NEU4: variants seen among roughly 807,000 people sequenced by gnomAD.
The protein encoded by NEU4 is neuraminidase 4.
A neutral mutation model predicts 9.9 loss-of-function variants in NEU4; 7 were observed. The observed-to-expected ratio is 0.71, with a 90% CI of 0.40 to 1.33. The LOEUF is 1.33. Among genes scored for constraint, NEU4 ranks in the 40% most tolerant of loss-of-function variants. The pLI, the probability that NEU4 is intolerant of heterozygous loss-of-function variation, is 0.01. For missense variants in NEU4, 717 were observed against 712.6 expected (o/e 1.01, Z -0.07); for synonymous variants, 348 against 316.9 (o/e 1.10, Z -1.04).
chr2:241,816,437 G>C lies in NEU4; in HGVS notation c.844G>C (p.Gly282Arg). The change falls in exon 4 of 4, where the codon GGC becomes CGC. Residue 282 changes from glycine to arginine, a missense_variant. Gly to Arg is a moderately radical substitution (Grantham distance 125, BLOSUM62 -2). Coordinates refer to ENST00000407683, the MANE Select transcript of NEU4 (RefSeq NM_001167600.3). ...CTGGGGCTGCCAGGGCAGCATCGTG[G>C]GCTTCCCAGCCCCCGCCCCCAACAG... ...TAWGCQGSIV[G>R]FPAPAPNRPR... is the part of the protein sequence containing the mutation. 1 of 1,608,008 alleles carries C rather than the reference G, an allele frequency of 6.2e-7. No homozygotes were observed. The highest frequency in any genetic ancestry group is 8.5e-7 in the Non-Finnish European group (1 of 1,178,716).
intron 1 of NEU4, among the ~76,000 whole-genome samples, chr2:241,810,157 A>T (rs987337806): frequency 6.6e-6 from 1 of 152,154 alleles, no homozygotes; most frequent in African/African-American, 2.4e-5. Flanking sequence ...ACGATGGCCA[A>T]GTTGCCTGGA....
Position 241,816,271 on chromosome 2 carries a change from A to T in NEU4, c.678A>T (p.Ala226=), listed in dbSNP as rs78073278. The change falls in exon 4 of 4, where the codon GCA becomes GCT. Residue 226 remains alanine (A), a synonymous_variant. Transcript: ENST00000407683. ...PNLRSGECQL[A]AVDGGQAGSF... is the part of the protein sequence containing the mutation. ...TGCGCTCAGGCGAGTGCCAGCTGGC[A>T]GCGGTGGACGGTGGGCAGGCCGGCA... 6.3e-7 allele frequency: 1 copy of T among 1,593,750 alleles called. No homozygotes were observed. Among genetic ancestry groups the T allele is most frequent in the Non-Finnish European group, 8.5e-7 (1 of 1,171,250 alleles).
At chr2:241,815,563 T>G in intron 3 of NEU4, 1 of 494,470 alleles carries the variant, frequency 2.0e-6, no homozygotes, top group Non-Finnish European at 4.1e-6. Flanking sequence ...GACGCTGAGG[T>G]GTCTCTCAGC....
chr2:241,811,135 TCACAGCTGGGCCTGTCC>T (rs967884201), intron 1 of NEU4: 302 of 1,216,938 alleles, frequency 2.5e-4, no homozygotes, highest in Non-Finnish European at 2.9e-4. Context: ...AACTGCGGCC[TCACAGCTGGGCCTGTCC>T]CAGCACAGCC....
intron 1 of NEU4, chr2:241,813,592 G>A: frequency 2.5e-6 from 3 of 1,219,226 alleles, no homozygotes; most frequent in Non-Finnish European, 3.3e-6. Context: ...GGTGGGTGTT[G>A]CCTGGGAGCA....
chr2:241,816,073 T>A lies in NEU4; in HGVS notation c.480T>A (p.Gly160=). 6.2e-7 allele frequency: 1 copy of A among 1,607,824 alleles called. No individual in the cohort carries two copies. Among genetic ancestry groups the A allele is most frequent in the Non-Finnish European group, 8.5e-7 (1 of 1,177,896 alleles). ...CAGACTGGGCCACATTCGCTGTGGG[T>A]CCCGGCCACGGTGTGCAGCTGCCCT... ...AVQDWATFAV[G]PGHGVQLPSG... is the part of the protein sequence containing the mutation. The change falls in exon 4 of 4, where the codon GGT becomes GGA. Residue 160 remains glycine (G), a synonymous_variant. Transcript: ENST00000407683.
Position 241,816,650 on chromosome 2 carries a change from G to C in NEU4, c.1057G>C (p.Val353Leu). Residue 353 changes from valine to leucine, a missense_variant, in exon 4 of 4, where the codon GTC becomes CTC. Transcript: ENST00000407683. Reference sequence around the variant, plus strand: ...CAGGCAGCCTGGCCCCAGGCCTGGGGTCAGTGGGGATGTGGGGTCCTGGAC... The same window carrying C: ...CAGGCAGCCTGGCCCCAGGCCTGGGCTCAGTGGGGATGTGGGGTCCTGGAC... Reference protein sequence around the residue: ...GPRQPGPRPGVSGDVGSWTLA... With the variant: ...GPRQPGPRPGLSGDVGSWTLA... 1 of 1,541,260 alleles carries C rather than the reference G, an allele frequency of 6.5e-7. No individual in the cohort carries two copies. The highest frequency in any genetic ancestry group is 8.7e-7 in the Non-Finnish European group (1 of 1,147,994).
intron 1 of NEU4, chr2:241,810,652 C>T (rs1700083092): frequency 6.5e-6 from 1 of 154,206 alleles, no homozygotes; most frequent in Non-Finnish European, 1.4e-5. Flanking sequence ...GTCATTTGAG[C>T]ATTGGTTACC....
chr2:241,811,261 C>T (rs1225836621), intron 1 of NEU4: 2 of 1,261,044 alleles, frequency 1.6e-6, no homozygotes, highest in Non-Finnish European at 2.0e-6. Context: ...CTGTGTGGCT[C>T]CTGGGTGCCC....
intron 1 of NEU4, among the ~76,000 whole-genome samples, chr2:241,812,513 C>A (rs1299462817): frequency 6.8e-6 from 1 of 147,760 alleles, no homozygotes; most frequent in African/African-American, 2.5e-5. Context: ...CTGTGGAACC[C>A]AGGGAACTGG....
intron 1 of NEU4, among the ~76,000 whole-genome samples, chr2:241,812,407 G>A (rs1700149506): frequency 1.9e-5 from 2 of 105,510 alleles, no homozygotes; most frequent in South Asian, 6.2e-4. Context: ...GGACATGGCT[G>A]TCCCAGTCAA....
rs199768418 is a variant in NEU4, at chr2:241,816,777, G to C, written c.1184G>C (p.Arg395Pro). 6.3e-7 allele frequency: 1 copy of C among 1,588,032 alleles called. No homozygotes were observed. Among genetic ancestry groups the C allele is most frequent in the Admixed American group, 1.8e-5 (1 of 56,262 alleles). ...AGGGCTCGGCTACACATGGGTATCC[G>C]CCTGAGCCAGTCCCCGCTGGACCCG... ...GRRARLHMGI[R>P]LSQSPLDPRS... The change falls in exon 4 of 4, where the codon CGC becomes CCC. Residue 395 changes from arginine to proline, a missense_variant. Transcript: ENST00000407683.
rs529825220 is a variant in NEU4, at chr2:241,816,300, T to C, written c.707T>C (p.Phe236Ser). 1.9e-6 allele frequency: 3 copies of C among 1,576,958 alleles called. No individual in the cohort carries two copies. The highest frequency in any genetic ancestry group is 4.7e-5 in the East Asian group (2 of 42,678). Reference protein sequence around the residue: ...AAVDGGQAGSFLYCNARSPLG... With the variant: ...AAVDGGQAGSSLYCNARSPLG... ...GTGGACGGTGGGCAGGCCGGCAGCT[T>C]CCTCTACTGCAATGCCCGGAGCCCA... Residue 236 changes from phenylalanine to serine, a missense_variant, in exon 4 of 4, where the codon TTC (phenylalanine) becomes TCC (serine). By Grantham distance (155) the Phe-to-Ser change is radical (BLOSUM62 -2). Coordinates refer to ENST00000407683, the MANE Select transcript of NEU4 (RefSeq NM_001167600.3).
In NEU4 at chr2:241,814,966, T is replaced by A. The variant is rs762811394; in HGVS notation, c.276T>A (p.Asp92Glu). 3 of 1,611,512 alleles carry A rather than the reference T, an allele frequency of 1.9e-6. No homozygotes were observed. Among genetic ancestry groups the A allele is most frequent in the Non-Finnish European group, 1.7e-6 (2 of 1,179,802 alleles). ...CCATGAACCCCTGCCCTGTGCACGA[T>A]GCTGGCACGGGCACCGTCTTCCTCT... ...HRSMNPCPVH[D>E]AGTGTVFLFF... Residue 92 changes from aspartate (D) to glutamate (E), a missense_variant, in exon 3 of 4, where the codon GAT becomes GAA. Physicochemically the swap from Asp to Glu is conservative, Grantham distance 45. Transcript: ENST00000407683.
At chr2:241,812,374 C>T (rs1287718372) in intron 1 of NEU4, among the ~76,000 whole-genome samples, 1 of 152,032 alleles carries the variant, frequency 6.6e-6, no homozygotes, top group African/African-American at 2.4e-5. Context: ...TCAGGGAGGG[C>T]GGGGGGCACT....
chr2:241,812,411 C>T (rs560022046), intron 1 of NEU4, among the ~76,000 whole-genome samples: 2 of 93,234 alleles, frequency 2.1e-5, no homozygotes, highest in African/African-American at 6.8e-5. Context: ...ATGGCTGTCC[C>T]AGTCAAGCCA....
In NEU4 at chr2:241,817,148, A is replaced by G; in HGVS notation, c.*100A>G. ...TAGCTGTGGGGGGGGCTCTTAGTGC[A>G]GGATCCTGTGGATTAGAAACAAGTT... On this transcript the variant is annotated 3_prime_UTR_variant, in exon 4 of 4. Coordinates refer to ENST00000407683, the MANE Select transcript of NEU4 (RefSeq NM_001167600.3). 1 of 1,291,582 alleles carries G rather than the reference A, an allele frequency of 7.7e-7. No individual in the cohort carries two copies. The highest frequency in any genetic ancestry group is 1.0e-6 in the Non-Finnish European group (1 of 967,842). 80.0% of individuals were successfully genotyped at this position (1,291,582 alleles called of 1,614,324 possible). A position where few individuals can be genotyped will look rare whatever the true frequency, so the allele number is the denominator to read the frequency against.
At chr2:241,814,304 C>T in intron 1 of NEU4, 178 bp from the exon 2 acceptor site, 1 of 636,584 alleles carries the variant, frequency 1.6e-6, no homozygotes, top group Non-Finnish European at 2.8e-6. Context: ...GGGGCTGCTC[C>T]AGATCTGGGG....
intron 3 of NEU4, 52 bp downstream of exon 3, chr2:241,815,199 T>G (rs770862105): frequency 6.7e-7 from 1 of 1,485,020 alleles, no homozygotes; most frequent in South Asian, 1.4e-5. Context: ...ACGGTCCACA[T>G]GGAAGGGAGA....
Sources: allele counts gnomAD v4.1 joint callset (sites outside exome capture counted in the v4.1 genomes callset), GRCh38; gene constraint gnomAD v4.1.1; transcripts MANE v1.5; gene names NCBI Gene and HGNC (gene_info 2026-07-23, HGNC 2026-07-21).